INSL6: variants seen among roughly 807,000 people sequenced by gnomAD.
The protein encoded by INSL6 is insulin-like peptide INSL6.
In INSL6, 16 loss-of-function variants were observed where a neutral mutation model predicts 9.4. That is an observed-to-expected ratio of 1.70 (90% CI 1.15 to 2.59). The LOEUF is 2.59. INSL6 is among the 30% of genes most tolerant of loss of function. The pLI, the probability that INSL6 is intolerant of heterozygous loss-of-function variation, is 0.00. For synonymous variants in INSL6, 154 were observed against 96.9 expected (o/e 1.59, Z -3.46); for missense variants, 391 against 257.3 (o/e 1.52, Z -3.56).
the INSL6 span, among the ~76,000 whole-genome samples, chr9:5,012,339 T>C: frequency 6.6e-6 from 1 of 152,208 alleles, no homozygotes; most frequent in African/African-American, 2.4e-5. Flanking sequence ...TTTTGTTTCT[T>C]TGACAATGCC....
chr9:5,164,482 A>C (rs1344168674), intron 1 of INSL6, among the ~76,000 whole-genome samples: 1 of 152,240 alleles, frequency 6.6e-6, no homozygotes, highest in East Asian at 1.9e-4. Flanking sequence ...TTTTTGTATT[A>C]ACAATTTGAG....
the INSL6 span, among the ~76,000 whole-genome samples, chr9:5,118,282 A>G: frequency 0.023 from 3,489 of 152,330 alleles, 149 homozygotes; most frequent in African/African-American, 0.081. Context: ...TCTTTAAAAT[A>G]GTATTCCCAC....
At chr9:5,086,147 G>A in the INSL6 span, 1 of 362,312 alleles carries the variant, frequency 2.8e-6, no homozygotes, top group Non-Finnish European at 4.6e-6. Flanking sequence ...GGCCCCGCAA[G>A]GCTCGGGGAG....
chr9:5,153,783 T>A (rs554222359), intron 2 of INSL6, among the ~76,000 whole-genome samples: 6 of 152,270 alleles, frequency 3.9e-5, no homozygotes, highest in African/African-American at 1.4e-4. Context: ...GAGGACCTCT[T>A]CAAGGAGAAC....
At chr9:5,088,444 C>G in the INSL6 span, among the ~76,000 whole-genome samples, 1 of 152,030 alleles carries the variant, frequency 6.6e-6, no homozygotes, top group Non-Finnish European at 1.5e-5. Flanking sequence ...TGATTAATAT[C>G]AAAAACCTAT....
the INSL6 span, among the ~76,000 whole-genome samples, chr9:4,997,132 G>A: frequency 2.0e-5 from 3 of 151,594 alleles, no homozygotes; most frequent in South Asian, 2.1e-4. Flanking sequence ...GGGTTTCACC[G>A]TGTCACTCAG....
intron 3 of INSL6, chr9:5,127,250 A>AT (rs1232332510): frequency 1.3e-5 from 3 of 232,320 alleles, no homozygotes; most frequent in African/African-American, 6.6e-5. Flanking sequence ...CTGTTTTCTA[A>AT]TTTTTCCATA....
Position 5,141,760 on chromosome 9 carries a change from T to A in INSL6, c.377-8168A>T, listed in dbSNP as rs142873758. On this transcript the variant is annotated intron_variant, in intron 2 of 3. Coordinates refer to the INSL6 transcript ENST00000649639. ...TATCAATTTTTGCTTTTGTTGCAAT[T>A]GGTTTTGTCATCTTCACCATTAAAT... Among the ~76,000 whole-genome samples, 256 of 152,348 alleles carry A rather than the reference T, an allele frequency of 1.7e-3. 3 individuals carry two copies. The highest frequency in any genetic ancestry group is 9.1e-4 in the Admixed American group (14 of 15,308).
the INSL6 span, chr9:5,110,891 A>G: frequency 1.9e-6 from 1 of 537,770 alleles, no homozygotes; most frequent in Non-Finnish European, 3.6e-6. Flanking sequence ...CATGTCTGAG[A>G]TGCCCGCTCT....
the INSL6 span, among the ~76,000 whole-genome samples, chr9:5,082,066 G>GTAA: frequency 1.3e-5 from 2 of 152,208 alleles, no homozygotes; most frequent in African/African-American, 4.8e-5. Context: ...ACACCTGTGG[G>GTAA]TAATTCTCGT....
At chr9:5,019,921 T>A in the INSL6 span, among the ~76,000 whole-genome samples, 1 of 152,222 alleles carries the variant, frequency 6.6e-6, no homozygotes, top group Non-Finnish European at 1.5e-5. Context: ...TCCTCAGTTG[T>A]GGCAGCAGTT....
intron 1 of INSL6, among the ~76,000 whole-genome samples, chr9:5,180,160 A>G (rs1322830671): frequency 1.3e-5 from 2 of 152,208 alleles, no homozygotes; most frequent in Non-Finnish European, 1.5e-5. Flanking sequence ...CAGTTCCCAA[A>G]TAATACTTTT....
chr9:5,042,198 C>T, the INSL6 span, among the ~76,000 whole-genome samples: 6 of 142,232 alleles, frequency 4.2e-5, no homozygotes, highest in South Asian at 2.2e-4. Context: ...ACTGCAGTGG[C>T]GCAATCTCGG....
chr9:5,141,031 G>A (rs190797030), intron 2 of INSL6, among the ~76,000 whole-genome samples: 5 of 152,198 alleles, frequency 3.3e-5, no homozygotes, highest in Admixed American at 1.3e-4. Flanking sequence ...TCCCTGCAAA[G>A]GACATGATCT....
chr9:5,168,445 T>C (rs1825105570), intron 1 of INSL6, among the ~76,000 whole-genome samples: 1 of 151,894 alleles, frequency 6.6e-6, no homozygotes, highest in African/African-American at 2.4e-5. Flanking sequence ...AGTTTGAAGT[T>C]TGTAGCTGAA....
At chr9:5,150,880 C>CACACA (rs1554689978) in intron 2 of INSL6, among the ~76,000 whole-genome samples, 1 of 147,726 alleles carries the variant, frequency 6.8e-6, no homozygotes, top group African/African-American at 2.5e-5. Context: ...CACACACACA[C>CACACA]ATCATGGAAT....
the INSL6 span, among the ~76,000 whole-genome samples, chr9:5,012,684 C>T: frequency 6.6e-6 from 1 of 152,058 alleles, no homozygotes; most frequent in African/African-American, 2.4e-5. Context: ...GATTTTTCTA[C>T]CTGCTAAGAA....
downstream of INSL6, among the ~76,000 whole-genome samples, chr9:5,120,391 AT>A (rs1412111508): frequency 1.3e-5 from 2 of 152,232 alleles, no homozygotes; most frequent in Non-Finnish European, 2.9e-5. Context: ...AAAGAACTCA[AT>A]TTTTATTCAC....
At chr9:5,178,934 T>C in intron 1 of INSL6, among the ~76,000 whole-genome samples, 1 of 151,580 alleles carries the variant, frequency 6.6e-6, no homozygotes, top group East Asian at 1.9e-4. Context: ...GCAATAGCAT[T>C]CAAGACACAG....
Sources: allele counts gnomAD v4.1 joint callset (sites outside exome capture counted in the v4.1 genomes callset), GRCh38; gene constraint gnomAD v4.1.1; transcripts MANE v1.5; gene names NCBI Gene and HGNC (gene_info 2026-07-23, HGNC 2026-07-21).